The following ELFN2 variants were observed in gnomAD, a reference collection of about 807,000 sequenced individuals.
ELFN2 encodes protein phosphatase 1 regulatory subunit 29.
A neutral mutation model predicts 45.5 loss-of-function variants in ELFN2; 17 were observed. That is an observed-to-expected ratio of 0.37 (90% CI 0.26 to 0.56). The LOEUF (loss-of-function observed/expected upper bound fraction) is 0.56, where lower values mean the gene tolerates loss of function less well. Among genes scored for constraint, ELFN2 ranks in the 20% least tolerant of loss-of-function variants. The pLI is 0.77. For synonymous variants in ELFN2, 550 were observed against 551.5 expected, an observed-to-expected ratio of 1.00 and a Z score of 0.04; for missense variants, 922 against 1,183.2, an observed-to-expected ratio of 0.78 and a Z score of 3.24.
chr22:37,353,556 C>T (rs1177901195), intron 1 of ELFN2: 1 of 150,978 alleles, frequency 6.6e-6, no homozygotes, highest in Non-Finnish European at 1.5e-5. Flanking sequence ...CTCTTAATTA[C>T]AAATCAATGA....
At chr22:37,424,292 C>T (rs1387669770) in intron 1 of ELFN2, among the ~76,000 whole-genome samples, 2 of 148,782 alleles carry the variant, frequency 1.3e-5, no homozygotes, top group African/African-American at 2.4e-5. Flanking sequence ...CTGTCACACA[C>T]AGCCAGGATG....
chr22:37,378,693 G>A (rs1468953477), intron 2 of ELFN2, among the ~76,000 whole-genome samples: 3 of 152,244 alleles, frequency 2.0e-5, no homozygotes, highest in South Asian at 2.1e-4. Flanking sequence ...ACCCACCCCC[G>A]TGACTCAGAC....
chr22:37,343,712 C>G (rs535069480), intron 1 of ELFN2, among the ~76,000 whole-genome samples: 1 of 57,480 alleles, frequency 1.7e-5, no homozygotes, highest in African/African-American at 9.9e-5. Context: ...CCCAGACCCA[C>G]CCCCCCCGGA....
At chr22:37,361,858 A>C (rs1442320631) in intron 1 of ELFN2, among the ~76,000 whole-genome samples, 2 of 152,190 alleles carry the variant, frequency 1.3e-5, no homozygotes, top group African/African-American at 4.8e-5. Flanking sequence ...ATGGAAAGTC[A>C]AGCCCCATTC....
intron 2 of ELFN2, among the ~76,000 whole-genome samples, chr22:37,409,712 C>A (rs1300509826): frequency 6.6e-6 from 1 of 152,238 alleles, no homozygotes; most frequent in Non-Finnish European, 1.5e-5. Flanking sequence ...GCACTCACAA[C>A]AGGGAAATGT....
At chr22:37,409,648 T>C (rs1932597198) in intron 2 of ELFN2, among the ~76,000 whole-genome samples, 1 of 152,176 alleles carries the variant, frequency 6.6e-6, no homozygotes, top group South Asian at 2.1e-4. Flanking sequence ...GATTCTGCAG[T>C]CAGACACTTC....
intron 2 of ELFN2, among the ~76,000 whole-genome samples, chr22:37,387,788 T>C (rs972874111): frequency 3.3e-5 from 5 of 151,278 alleles, no homozygotes; most frequent in African/African-American, 1.2e-4. Flanking sequence ...CGCTTCCCCC[T>C]CCCCTACCCC....
At chr22:37,366,975 C>T (rs147148836), downstream of ELFN2, among the ~76,000 whole-genome samples, 38 of 152,324 alleles carry the variant, frequency 2.5e-4, no homozygotes, top group East Asian at 6.9e-3. Flanking sequence ...GGCAGGAAAG[C>T]CCTGTGGGCC....
chr22:37,344,734 G>A lies in ELFN2; in HGVS notation n.149-2031C>T, dbSNP rs146900700. Among the ~76,000 whole-genome samples, 599 of 152,202 alleles carry A rather than the reference G, an allele frequency of 3.9e-3. 2 individuals carry two copies. Among genetic ancestry groups the A allele is most frequent in the African/African-American group, 0.014 (573 of 41,530 alleles). On this transcript the variant is annotated intron_variant and non_coding_transcript_variant, in intron 1 of 2. Coordinates refer to ENST00000452946, the Ensembl canonical transcript of ELFN2. ...AGCATGGCTGACCTCTGCGGTCCTC[G>A]AAGGCTGACCTCTGCAAACTCCTTC...
chr22:37,344,327 A>T (rs1160056161), intron 1 of ELFN2, among the ~76,000 whole-genome samples: 2 of 150,906 alleles, frequency 1.3e-5, no homozygotes, highest in Non-Finnish European at 2.9e-5. Flanking sequence ...TCCTACACAC[A>T]CTGCTCCCAC....
At chr22:37,410,942 C>A (rs888302682) in intron 2 of ELFN2, among the ~76,000 whole-genome samples, 2 of 152,222 alleles carry the variant, frequency 1.3e-5, no homozygotes, top group Non-Finnish European at 2.9e-5. Flanking sequence ...CAGGCCCCAG[C>A]CTGTCTCCAG....
intron 2 of ELFN2, among the ~76,000 whole-genome samples, chr22:37,380,877 G>A (rs1163415738): frequency 1.3e-5 from 2 of 152,138 alleles, no homozygotes; most frequent in Admixed American, 1.3e-4. Context: ...AGAGCTCCTT[G>A]GAGCTCCCTT....
At chr22:37,345,783 T>C (rs1930682362) in intron 1 of ELFN2, among the ~76,000 whole-genome samples, 1 of 152,184 alleles carries the variant, frequency 6.6e-6, no homozygotes, top group Non-Finnish European at 1.5e-5. Context: ...CCTGACCTCA[T>C]GGTCTGCCTG....
chr22:37,375,620 G>C lies in ELFN2; in HGVS notation c.-86C>G. On this transcript the variant is annotated 5_prime_UTR_variant, in exon 3 of 3. Coordinates refer to ENST00000402918, the MANE Select transcript of ELFN2 (RefSeq NM_052906.5). The stretch of plus-strand genomic sequence containing the variant: ...GGGGCTGGCAGTACAGTCCTCCCTG[G>C]GGCCGCCACCATCTTGGGGGCGACC... 7.7e-6 allele frequency: 11 copies of C among 1,433,132 alleles called. No homozygotes were observed. Among genetic ancestry groups the C allele is most frequent in the Non-Finnish European group, 1.0e-5 (11 of 1,083,992 alleles). The allele number at this position is 1,433,132 out of a possible 1,614,324, so 88.8% of individuals were successfully genotyped here.
intron 1 of ELFN2, among the ~76,000 whole-genome samples, chr22:37,349,158 C>A (rs903328632): frequency 1.3e-5 from 2 of 151,254 alleles, no homozygotes; most frequent in Admixed American, 1.3e-4. Context: ...CGGAAAGGGG[C>A]CAAGCCCCGG....
chr22:37,388,804 C>T (rs1160938829), intron 2 of ELFN2, among the ~76,000 whole-genome samples: 2 of 152,220 alleles, frequency 1.3e-5, no homozygotes, highest in Non-Finnish European at 2.9e-5. Context: ...ACTCTCTATC[C>T]CAGAGGGTGG....
At chr22:37,383,480 G>A (rs753990271) in intron 2 of ELFN2, among the ~76,000 whole-genome samples, 1 of 152,188 alleles carries the variant, frequency 6.6e-6, no homozygotes, top group African/African-American at 2.4e-5. Flanking sequence ...GGTCCCGGGG[G>A]AGCTGGCTCC....
intron 2 of ELFN2, among the ~76,000 whole-genome samples, chr22:37,400,188 A>G (rs562820354): frequency 6.6e-6 from 1 of 151,468 alleles, no homozygotes; most frequent in East Asian, 1.9e-4. Context: ...ACCACCCTCC[A>G]CTCCACTCAG....
At chr22:37,413,530 AC>A (rs956841684) in intron 2 of ELFN2, among the ~76,000 whole-genome samples, 1 of 150,884 alleles carries the variant, frequency 6.6e-6, no homozygotes, top group African/African-American at 2.4e-5. Context: ...TGACTGCACC[AC>A]TGCACTCCAG....
Sources: gnomAD v4.1 joint callset for allele counts (sites outside exome capture counted in the v4.1 genomes callset) on GRCh38, gnomAD v4.1.1 for gene constraint, MANE v1.5 for transcripts, NCBI Gene and HGNC (gene_info 2026-07-23, HGNC 2026-07-21) for gene names.